TMEM117: variants seen among roughly 807,000 people sequenced by gnomAD.
TMEM117 encodes transmembrane protein 117.
A neutral mutation model predicts 52.4 loss-of-function variants in TMEM117; 27 were observed. The ratio of observed to expected loss-of-function variants is 0.51; its 90% CI spans 0.38 to 0.71. The LOEUF is 0.71. Among genes scored for constraint, TMEM117 ranks in the 30% least tolerant of loss-of-function variants. TMEM117 has a pLI of 0.00. For missense variants in TMEM117, 556 were observed against 630.5 expected (o/e 0.88, Z 1.26); for synonymous variants, 215 against 206.3 (o/e 1.04, Z -0.36).
intron 4 of TMEM117, among the ~76,000 whole-genome samples, chr12:44,171,226 G>A (rs1490513116): frequency 5.9e-5 from 9 of 151,778 alleles, no homozygotes; most frequent in Admixed American, 1.3e-4. Flanking sequence ...CATTTTAGCC[G>A]GGATGGTCTC....
At chr12:43,816,898 C>T in the TMEM117 span, among the ~76,000 whole-genome samples, 5 of 152,290 alleles carry the variant, frequency 3.3e-5, no homozygotes, top group African/African-American at 9.6e-5. Context: ...ATTAACATTT[C>T]GCACAACCTG....
At chr12:44,398,246 A>G in the TMEM117 span, among the ~76,000 whole-genome samples, 2 of 152,222 alleles carry the variant, frequency 1.3e-5, no homozygotes, top group Admixed American at 1.3e-4. Context: ...GAAAGGGTTG[A>G]GGAGTAGCTG....
At chr12:44,008,462 G>A (rs1186824587) in intron 3 of TMEM117, among the ~76,000 whole-genome samples, 1 of 152,210 alleles carries the variant, frequency 6.6e-6, no homozygotes, top group African/African-American at 2.4e-5. Context: ...GCTAGGCACT[G>A]AAGATGAAAT....
chr12:44,219,596 G>T (rs902004038), intron 5 of TMEM117, among the ~76,000 whole-genome samples: 6 of 152,052 alleles, frequency 3.9e-5, no homozygotes, highest in Non-Finnish European at 8.8e-5. Context: ...TTTATCTTCA[G>T]GGTTTTCAGG....
Position 44,254,661 on chromosome 12 carries a change from TA to T in TMEM117, c.608+43275del, listed in dbSNP as rs534793262. On this transcript the variant is annotated intron_variant, in intron 5 of 7. Coordinates refer to ENST00000266534, the MANE Select transcript of TMEM117 (RefSeq NM_032256.3). Reference sequence around the variant, plus strand: ...TAAGAAAGTACCAGATATATATATATATATTTTTTATTATACTTTAAGTTTT... The same window carrying T: ...TAAGAAAGTACCAGATATATATATATTATTTTTTATTATACTTTAAGTTTT... Among the ~76,000 whole-genome samples the T allele has an allele frequency of 2.4e-3, 366 of 152,002 alleles. 11 individuals carry two copies. The East Asian group carries it at 0.035, about 14-fold the overall frequency.
chr12:44,118,054 A>G (rs1424725965), intron 3 of TMEM117, among the ~76,000 whole-genome samples: 1 of 152,000 alleles, frequency 6.6e-6, no homozygotes, highest in Non-Finnish European at 1.5e-5. Flanking sequence ...AAAAACACGT[A>G]CAGAGAATAT....
In TMEM117 at chr12:44,095,233, G is replaced by A. The variant is rs923677304; in HGVS notation, c.411-48292G>A. Among the ~76,000 whole-genome samples the A allele has an allele frequency of 7.2e-5, 11 of 152,026 alleles. No individual in the cohort carries two copies. In the South Asian group the frequency reaches 8.3e-4, roughly 11 times the overall value. On this transcript the variant is annotated intron_variant, in intron 3 of 7. Transcript: ENST00000266534. Reference sequence around the variant, plus strand: ...TTTAGTGAAAGTCTGATCCTGAAGCGTTAACACTTGTTAACATTTTTATTT... The same window carrying A: ...TTTAGTGAAAGTCTGATCCTGAAGCATTAACACTTGTTAACATTTTTATTT...
chr12:44,256,843 A>AT (rs1438609815), intron 5 of TMEM117, among the ~76,000 whole-genome samples: 1 of 151,580 alleles, frequency 6.6e-6, no homozygotes, highest in Non-Finnish European at 1.5e-5. Context: ...CAGGTTATTG[A>AT]TTTTACCTGT....
intron 3 of TMEM117, among the ~76,000 whole-genome samples, chr12:43,965,381 G>A (rs1945467675): frequency 6.6e-6 from 1 of 152,114 alleles, no homozygotes; most frequent in South Asian, 2.1e-4. Context: ...TCTCTATGAG[G>A]TCTTCCATCA....
chr12:43,941,439 A>G (rs567153239), intron 2 of TMEM117, among the ~76,000 whole-genome samples: 13 of 152,336 alleles, frequency 8.5e-5, no homozygotes, highest in Admixed American at 7.2e-4. Context: ...ATAAACCACT[A>G]CTGTCCCAGG....
At chr12:44,008,280 TC>T in intron 3 of TMEM117, among the ~76,000 whole-genome samples, 1 of 152,216 alleles carries the variant, frequency 6.6e-6, no homozygotes, top group East Asian at 1.9e-4. Context: ...AAAGAATGAG[TC>T]TTGACTGTTA....
At chr12:44,343,923 A>G (rs906994228) in intron 6 of TMEM117, among the ~76,000 whole-genome samples, 15 of 152,184 alleles carry the variant, frequency 9.9e-5, no homozygotes, top group Admixed American at 8.5e-4. Context: ...GAAGTGGACC[A>G]TGATGTTGAG....
At chr12:43,804,577 G>A in the TMEM117 span, 5 of 1,579,934 alleles carry the variant, frequency 3.2e-6, no homozygotes, top group Admixed American at 1.8e-5. Context: ...CACTTGCTGT[G>A]GAAAAAGATA....
At chr12:44,333,433 G>T (rs1951299158) in intron 6 of TMEM117, among the ~76,000 whole-genome samples, 1 of 151,964 alleles carries the variant, frequency 6.6e-6, no homozygotes, top group African/African-American at 2.4e-5. Context: ...ATCTTGAATT[G>T]TAGTTCCCAT....
chr12:43,854,597 T>A (rs1675769), intron 2 of TMEM117, among the ~76,000 whole-genome samples: 105,583 of 152,084 alleles, frequency 0.69, 40,973 homozygotes, highest in East Asian at 0.87. Context: ...TTACTAAGCT[T>A]AGTCCAGGCA....
At chr12:44,356,871 A>G (rs184344217) in intron 6 of TMEM117, among the ~76,000 whole-genome samples, 2 of 152,218 alleles carry the variant, frequency 1.3e-5, no homozygotes, top group East Asian at 3.9e-4. Context: ...TCAATACTCT[A>G]CCTTCGTTGT....
chr12:44,185,310 G>A (rs1002876324), intron 4 of TMEM117, among the ~76,000 whole-genome samples: 1 of 152,092 alleles, frequency 6.6e-6, no homozygotes, highest in African/African-American at 2.4e-5. Context: ...GTCATAAGCT[G>A]AATCAAAATG....
At chr12:44,319,654 A>G (rs1337994826) in intron 6 of TMEM117, among the ~76,000 whole-genome samples, 2 of 152,224 alleles carry the variant, frequency 1.3e-5, no homozygotes, top group Non-Finnish European at 2.9e-5. Flanking sequence ...GAAGAAAAAT[A>G]ATGCATTTTC....
At chr12:44,048,063 A>G (rs541531831) in intron 3 of TMEM117, among the ~76,000 whole-genome samples, 1 of 152,258 alleles carries the variant, frequency 6.6e-6, no homozygotes, top group Admixed American at 6.5e-5. Context: ...TATTAAAACT[A>G]TTGAAATTAT....
Sources: allele counts gnomAD v4.1 joint callset (sites outside exome capture counted in the v4.1 genomes callset), GRCh38; gene constraint gnomAD v4.1.1; transcripts MANE v1.5; gene names NCBI Gene and HGNC (gene_info 2026-07-23, HGNC 2026-07-21).